The following VTI1A variants were observed in gnomAD, a reference collection of about 807,000 sequenced individuals.
VTI1A encodes vesicle transport through interaction with t-SNAREs 1A, also known as vesicle transport through interaction with t-SNAREs homolog 1A.
Under a neutral mutation model 34.9 loss-of-function variants are expected in VTI1A, and 22 were observed. That is an observed-to-expected ratio of 0.63 (90% CI 0.45 to 0.90). The LOEUF (loss-of-function observed/expected upper bound fraction) is 0.90. Among genes scored for constraint, VTI1A ranks in the 40% least tolerant of loss-of-function variants. The probability of loss-of-function intolerance (pLI) is 0.00; values close to 1 mark genes in which losing one functional copy is unlikely to be tolerated. For synonymous variants in VTI1A, 87 were observed against 97.3 expected, an observed-to-expected ratio of 0.89 and a Z score of 0.62; for missense variants, 268 against 275.6, an observed-to-expected ratio of 0.97 and a Z score of 0.20.
chr10:112,761,044 C>T (rs1851447296), intron 7 of VTI1A, among the ~76,000 whole-genome samples: 2 of 152,122 alleles, frequency 1.3e-5, no homozygotes, highest in Admixed American at 6.5e-5. Context: ...CAATTATATA[C>T]GTGAGCATTT....
At chr10:112,466,757 G>A (rs889710686) in intron 3 of VTI1A, among the ~76,000 whole-genome samples, 1 of 152,158 alleles carries the variant, frequency 6.6e-6, no homozygotes, top group Non-Finnish European at 1.5e-5. Context: ...GTATGAATTT[G>A]CTAGGGCTGT....
At chr10:112,714,317 C>T (rs1849531581) in intron 7 of VTI1A, among the ~76,000 whole-genome samples, 1 of 152,142 alleles carries the variant, frequency 6.6e-6, no homozygotes, top group African/African-American at 2.4e-5. Context: ...CACTCGATGC[C>T]TTTCCCCTGC....
chr10:112,643,515 T>A (rs929141022), intron 5 of VTI1A, among the ~76,000 whole-genome samples: 1 of 152,188 alleles, frequency 6.6e-6, no homozygotes, highest in African/African-American at 2.4e-5. Flanking sequence ...TGAAGTGTGT[T>A]ACACATAGGC....
At chr10:112,708,239 G>A (rs1039475792) in intron 7 of VTI1A, among the ~76,000 whole-genome samples, 8 of 152,212 alleles carry the variant, frequency 5.3e-5, no homozygotes, top group East Asian at 1.9e-4. Flanking sequence ...GTATATTACT[G>A]TAGGTTTGTT....
intron 7 of VTI1A, among the ~76,000 whole-genome samples, chr10:112,671,656 G>A (rs964103072): frequency 6.6e-6 from 1 of 152,174 alleles, no homozygotes; most frequent in Non-Finnish European, 1.5e-5. Context: ...GTGAAGACAG[G>A]TGAAACCAGT....
intron 7 of VTI1A, among the ~76,000 whole-genome samples, chr10:112,730,726 A>G (rs1319303017): frequency 1.3e-5 from 2 of 152,086 alleles, no homozygotes; most frequent in African/African-American, 4.8e-5. Flanking sequence ...ACCGTATAAT[A>G]AATCCAGTAA....
At chr10:112,774,243 G>A (rs1851895024) in intron 7 of VTI1A, among the ~76,000 whole-genome samples, 1 of 152,158 alleles carries the variant, frequency 6.6e-6, no homozygotes, top group African/African-American at 2.4e-5. Context: ...GGAGAGAGAG[G>A]CCAAAACAGG....
chr10:112,703,395 C>T (rs1179598489), intron 7 of VTI1A, among the ~76,000 whole-genome samples: 1 of 152,048 alleles, frequency 6.6e-6, no homozygotes, highest in Non-Finnish European at 1.5e-5. Context: ...TGGAGAAACC[C>T]CATCTCTACT....
intron 5 of VTI1A, among the ~76,000 whole-genome samples, chr10:112,596,247 G>T (rs1844639800): frequency 1.3e-5 from 2 of 151,934 alleles, no homozygotes; most frequent in Admixed American, 1.3e-4. Context: ...CACCAGCATG[G>T]CACATGTATA....
At chr10:112,564,815 C>T (rs1391362575) in intron 5 of VTI1A, among the ~76,000 whole-genome samples, 1 of 151,938 alleles carries the variant, frequency 6.6e-6, no homozygotes, top group Non-Finnish European at 1.5e-5. Context: ...CATTGCAGAT[C>T]TTAAAAAAAA....
At chr10:112,511,668 T>C (rs1007839452) in intron 3 of VTI1A, among the ~76,000 whole-genome samples, 3 of 152,212 alleles carry the variant, frequency 2.0e-5, no homozygotes, top group African/African-American at 7.2e-5. Context: ...TCCATCTTAC[T>C]GAATGTTTGC....
chr10:112,664,437 G>T (rs904676906), intron 5 of VTI1A, among the ~76,000 whole-genome samples: 1 of 152,054 alleles, frequency 6.6e-6, no homozygotes, highest in African/African-American at 2.4e-5. Flanking sequence ...GACTTATACT[G>T]TTGTTCAGAT....
intron 7 of VTI1A, among the ~76,000 whole-genome samples, chr10:112,683,089 G>A (rs1848277508): frequency 6.6e-6 from 1 of 152,222 alleles, no homozygotes; most frequent in South Asian, 2.1e-4. Context: ...TAAGTGATGA[G>A]AATTCTTGAA....
chr10:112,788,297 G>A (rs1852356248), intron 7 of VTI1A, among the ~76,000 whole-genome samples: 1 of 151,938 alleles, frequency 6.6e-6, no homozygotes, highest in African/African-American at 2.4e-5. Flanking sequence ...TTGTTTATCA[G>A]TTTTTGCTTC....
At chr10:112,541,999 TTTG>T (rs1042784812) in intron 5 of VTI1A, among the ~76,000 whole-genome samples, 3 of 152,202 alleles carry the variant, frequency 2.0e-5, no homozygotes, top group African/African-American at 4.8e-5. Flanking sequence ...GCTCTTTTTT[TTTG>T]TTGTTGTTAC....
chr10:112,835,400 C>G, the VTI1A span, among the ~76,000 whole-genome samples: 1 of 152,160 alleles, frequency 6.6e-6, no homozygotes, highest in Non-Finnish European at 1.5e-5. Context: ...GGGGGGCCTT[C>G]GAGGAGGCAT....
At chr10:112,835,704 T>C in the VTI1A span, among the ~76,000 whole-genome samples, 1 of 152,130 alleles carries the variant, frequency 6.6e-6, no homozygotes, top group Non-Finnish European at 1.5e-5. Context: ...AAAATCAAAA[T>C]AAGCCTTAAA....
the VTI1A span, among the ~76,000 whole-genome samples, chr10:112,835,377 AGGTGGCCTATCTGGGG>A: frequency 6.6e-6 from 1 of 152,210 alleles, no homozygotes; most frequent in East Asian, 1.9e-4. Flanking sequence ...AGGTCAGGAT[AGGTGGCCTATCTGGGG>A]GGCCTTCGAG....
chr10:112,596,178 G>A (rs1844634013), intron 5 of VTI1A, among the ~76,000 whole-genome samples: 1 of 151,306 alleles, frequency 6.6e-6, no homozygotes, highest in Admixed American at 6.6e-5. Flanking sequence ...GGAGTGAGGG[G>A]GGAGGGATAG....
Sources: gnomAD v4.1 joint callset for allele counts (sites outside exome capture counted in the v4.1 genomes callset) on GRCh38, gnomAD v4.1.1 for gene constraint, MANE v1.5 for transcripts, NCBI Gene and HGNC (gene_info 2026-07-23, HGNC 2026-07-21) for gene names.